KDM4C: variants seen among roughly 807,000 people sequenced by gnomAD.
The protein encoded by KDM4C is lysine-specific demethylase 4C.
KDM4C carries 81 observed loss-of-function variants against 129.3 expected under a neutral mutation model. The ratio of observed to expected loss-of-function variants is 0.63; its 90% CI spans 0.52 to 0.75. The LOEUF (loss-of-function observed/expected upper bound fraction) is 0.75, where lower values mean the gene tolerates loss of function less well. KDM4C is among the 30% of genes least tolerant of loss of function. The probability of loss-of-function intolerance (pLI) is 0.00; values close to 1 mark genes in which losing one functional copy is unlikely to be tolerated. For missense variants in KDM4C, 1,457 were observed against 1,304.0 expected (o/e 1.12, Z -1.81); for synonymous variants, 573 against 456.1 (o/e 1.26, Z -3.26).
intron 19 of KDM4C, among the ~76,000 whole-genome samples, chr9:7,156,187 A>C (rs1274702320): frequency 6.6e-6 from 1 of 152,070 alleles, no homozygotes. Context: ...TCCCTTGCCC[A>C]CTTTTTGATG....
At chr9:6,949,137 C>G (rs1345595179) in intron 8 of KDM4C, among the ~76,000 whole-genome samples, 1 of 148,496 alleles carries the variant, frequency 6.7e-6, no homozygotes, top group Non-Finnish European at 1.5e-5. Flanking sequence ...GACGGGGCGG[C>G]TGCTGGGCGG....
chr9:7,089,389 T>C (rs7042418), intron 17 of KDM4C, among the ~76,000 whole-genome samples: 54,367 of 152,078 alleles, frequency 0.36, 10,004 homozygotes, highest in Middle Eastern at 0.52. Flanking sequence ...CTTCACAGTA[T>C]TGACTCAGTG....
At chr9:6,761,024 C>T (rs1209190655) in intron 1 of KDM4C, among the ~76,000 whole-genome samples, 1 of 129,554 alleles carries the variant, frequency 7.7e-6, no homozygotes, top group Non-Finnish European at 1.6e-5. Context: ...TTTTTTGAGA[C>T]GGAATCTCGC....
At chr9:6,794,266 A>G (rs1827304833) in intron 2 of KDM4C, among the ~76,000 whole-genome samples, 1 of 152,244 alleles carries the variant, frequency 6.6e-6, no homozygotes, top group Non-Finnish European at 1.5e-5. Context: ...GAATGATGAA[A>G]TAAGGACATT....
intron 20 of KDM4C, among the ~76,000 whole-genome samples, chr9:7,167,140 G>A (rs1292080569): frequency 2.6e-5 from 4 of 152,166 alleles, no homozygotes; most frequent in Admixed American, 1.3e-4. Context: ...GAAAGGCTGT[G>A]AACAAAATTT....
intron 12 of KDM4C, among the ~76,000 whole-genome samples, chr9:6,995,100 T>C (rs1302811074): frequency 6.6e-6 from 1 of 152,034 alleles, no homozygotes; most frequent in South Asian, 2.1e-4. Flanking sequence ...TGCATACTGT[T>C]GTCTTCAGCA....
intron 4 of KDM4C, among the ~76,000 whole-genome samples, chr9:6,818,317 G>T (rs961400785): frequency 6.6e-6 from 1 of 152,056 alleles, no homozygotes; most frequent in Non-Finnish European, 1.5e-5. Flanking sequence ...ATTTTTGTTC[G>T]TTTCAGTTTC....
chr9:6,863,578 C>T (rs1041150044), intron 5 of KDM4C, among the ~76,000 whole-genome samples: 17 of 152,032 alleles, frequency 1.1e-4, no homozygotes, highest in African/African-American at 3.9e-4. Flanking sequence ...GGGCGGATCA[C>T]GAGGTCAGGA....
chr9:7,169,903 AGATGCCACTTGGGGACCTGC>A lies in KDM4C; in HGVS notation c.2994+14_2994+33del. On this transcript the variant is annotated intron_variant, in intron 21 of 21. Coordinates refer to ENST00000381309, the MANE Select transcript of KDM4C (RefSeq NM_015061.6). ...GAAAGCTCGATTTGTAAGTGCTGGC[AGATGCCACTTGGGGACCTGC>A]CAAGTGAATTCCTTGTCCTCACCTC... The A allele has an allele frequency of 6.2e-7, 1 of 1,613,926 alleles. No homozygotes were observed. The highest frequency in any genetic ancestry group is 1.1e-5 in the South Asian group (1 of 91,070).
rs571905649 is a variant in KDM4C at position 6,949,577 on chromosome 9, A to G, written c.922-31348A>G. On this transcript the variant is annotated intron_variant, in intron 8 of 21. Coordinates refer to ENST00000381309, the MANE Select transcript of KDM4C (RefSeq NM_015061.6). The stretch of plus-strand genomic sequence containing the variant: ...TTGAGCACTGAGTGAACGAGACTCC[A>G]TCTGCAATCCCGGCACCTCGGGAGG... Among the ~76,000 whole-genome samples, 931 of 152,294 alleles carry G rather than the reference A, an allele frequency of 6.1e-3. 10 individuals are homozygous for G. Among genetic ancestry groups the G allele is most frequent in the African/African-American group, 0.018 (744 of 41,566 alleles).
intron 14 of KDM4C, chr9:7,014,209 G>C (rs2132168463): frequency 2.1e-6 from 1 of 485,434 alleles, no homozygotes; most frequent in East Asian, 3.2e-5. Context: ...TCCGTGGAGA[G>C]CAGGTCTGGT....
At chr9:7,060,373 C>T (rs957068647) in intron 17 of KDM4C, among the ~76,000 whole-genome samples, 1 of 151,146 alleles carries the variant, frequency 6.6e-6, no homozygotes, top group African/African-American at 2.4e-5. Context: ...GTTCTTCTCC[C>T]TCTCCCTTGA....
At chr9:7,161,833 A>G (rs1456772437) in intron 19 of KDM4C, among the ~76,000 whole-genome samples, 1 of 152,242 alleles carries the variant, frequency 6.6e-6, no homozygotes, top group African/African-American at 2.4e-5. Context: ...TCTTTTCATC[A>G]GCTCACATGC....
intron 8 of KDM4C, chr9:6,942,321 G>T (rs1217641694): frequency 6.9e-6 from 1 of 144,806 alleles, no homozygotes; most frequent in African/African-American, 2.6e-5. Context: ...GTGTGTGTGT[G>T]TTTAATCCTC....
chr9:6,825,324 C>G (rs147486124), intron 4 of KDM4C, among the ~76,000 whole-genome samples: 1 of 152,108 alleles, frequency 6.6e-6, no homozygotes, highest in South Asian at 2.1e-4. Context: ...GTCACAGACC[C>G]TCTGACAAGG....
intron 5 of KDM4C, among the ~76,000 whole-genome samples, chr9:6,865,603 A>G (rs539002894): frequency 7.2e-4 from 110 of 152,068 alleles, no homozygotes; most frequent in East Asian, 1.7e-3. Context: ...GTCTTGGTCT[A>G]TCACCTGGGC....
intron 12 of KDM4C, among the ~76,000 whole-genome samples, chr9:7,004,288 A>G (rs1821258533): frequency 6.6e-6 from 1 of 152,242 alleles, no homozygotes; most frequent in Non-Finnish European, 1.5e-5. Flanking sequence ...ATCTGTTCTT[A>G]AGGCAAGGTT....
At chr9:7,024,308 C>G (rs989110940) in intron 15 of KDM4C, among the ~76,000 whole-genome samples, 1 of 124,884 alleles carries the variant, frequency 8.0e-6, no homozygotes, top group Non-Finnish European at 1.7e-5. Flanking sequence ...TTTTAATTTT[C>G]TTTTCAAGGT....
chr9:6,736,262 G>T (rs766738379), intron 1 of KDM4C, among the ~76,000 whole-genome samples: 1 of 152,180 alleles, frequency 6.6e-6, no homozygotes, highest in Non-Finnish European at 1.5e-5. Flanking sequence ...CATTTTCTGA[G>T]GAGAAACTCA....
Sources: allele counts gnomAD v4.1 joint callset (sites outside exome capture counted in the v4.1 genomes callset), GRCh38; gene constraint gnomAD v4.1.1; transcripts MANE v1.5; gene names NCBI Gene and HGNC (gene_info 2026-07-23, HGNC 2026-07-21).